Variants in CFAP46 observed in about 807,000 individuals in gnomAD.
The protein encoded by CFAP46 is cilia- and flagella-associated protein 46.
In CFAP46, 245 loss-of-function variants were observed where a neutral mutation model predicts 325.7. The ratio of observed to expected loss-of-function variants is 0.75; its 90% CI spans 0.68 to 0.84. The LOEUF (loss-of-function observed/expected upper bound fraction) is 0.84. Ranked by LOEUF, CFAP46 falls within the 40% of genes least tolerant of loss-of-function variation. The probability of loss-of-function intolerance (pLI) is 0.00; values close to 1 mark genes in which losing one functional copy is unlikely to be tolerated. For synonymous variants in CFAP46, 1,523 were observed against 1,495.9 expected, an observed-to-expected ratio of 1.02 and a Z score of -0.42; for missense variants, 3,346 against 3,543.0, an observed-to-expected ratio of 0.94 and a Z score of 1.41.
At chr10:132,854,529 G>C (rs4880448) in intron 39 of CFAP46, among the ~76,000 whole-genome samples, 41,010 of 151,936 alleles carry the variant, frequency 0.27, 7,005 homozygotes, top group Admixed American at 0.46. Context: ...AGTGGAGATG[G>C]GGTTTCACCA....
Position 132,808,858 on chromosome 10 carries a change from G to A in CFAP46, c.7711C>T (p.Leu2571Phe). 6.2e-7 allele frequency: 1 copy of A among 1,601,188 alleles called. No individual in the cohort carries two copies. The highest frequency in any genetic ancestry group is 8.5e-7 in the Non-Finnish European group (1 of 1,170,794). ...TGAGCGTGGTGGGAAGGAGCTCGGA[G>A]CTTTGGAGCAGCAGCAGCTTGTCCT... ...LEGQAAAAPK[L>F]RAPSHHAQLG... is the part of the protein sequence containing the mutation. Residue 2571 changes from leucine to phenylalanine, a missense_variant, in exon 58 of 58, where the codon CTC becomes TTC. Leu to Phe is a conservative substitution (Grantham distance 22). Transcript: ENST00000368586. The surrounding 1 kb of genome is among the most constrained non-coding windows in gnomAD (Gnocchi z 6.8).
At position 132,877,725 on chromosome 10, in the gene CFAP46, A is replaced by T. The variant is rs566942720; in HGVS notation, c.4212+156T>A. ...GAGGCCACCTGGGGCTCCTCCGAGA[A>T]CCCTGACAGGCAGGGAAACTGAGGC... On this transcript the variant is annotated intron_variant, in intron 30 of 57. Transcript: ENST00000368586. The surrounding 1 kb of genome is among the most constrained non-coding windows in gnomAD (Gnocchi z 5.7). Among the ~76,000 whole-genome samples the T allele has an allele frequency of 6.7e-6, 1 of 149,020 alleles. No individual in the cohort carries two copies. Among genetic ancestry groups the T allele is most frequent in the African/African-American group, 2.5e-5 (1 of 40,250 alleles).
intron 24 of CFAP46, among the ~76,000 whole-genome samples, chr10:132,896,967 T>C (rs760780446): frequency 1.3e-5 from 2 of 152,232 alleles, no homozygotes; most frequent in Non-Finnish European, 2.9e-5. Context: ...CCTGCATTTC[T>C]GGTCAAATTA....
rs941665847 is a variant in CFAP46, at chr10:132,810,854, G to A, written c.7583+96C>T. ...ACAGCTCTCACCGTTCTTGAAACCC[G>A]ACCCCAGGTCCCTCCTCCCTTGTGG... On this transcript the variant is annotated intron_variant, in intron 56 of 57. Transcript: ENST00000368586. 2.0e-5 allele frequency: 23 copies of A among 1,178,782 alleles called. 1 individual carries two copies. Among genetic ancestry groups the A allele is most frequent in the South Asian group, 7.9e-5 (6 of 75,624 alleles). 73.0% of individuals were successfully genotyped at this position (1,178,782 alleles called of 1,614,324 possible).
chr10:132,821,244 G>GTGTGTGC (rs1847811658), intron 50 of CFAP46, among the ~76,000 whole-genome samples: 3 of 84,192 alleles, frequency 3.6e-5, no homozygotes, highest in Admixed American at 1.6e-4. Flanking sequence ...TGTGTGCTGT[G>GTGTGTGC]TGTGTGCTGT....
chr10:132,836,781 G>C, intron 45 of CFAP46, 36 bp downstream of exon 45: 2 of 1,561,356 alleles, frequency 1.3e-6, no homozygotes, highest in Non-Finnish European at 1.8e-6. Flanking sequence ...CTCTCAGCGG[G>C]CTGGGGGCGG....
At chr10:132,902,087 G>A (rs533750449) in intron 22 of CFAP46, among the ~76,000 whole-genome samples, 76 of 152,268 alleles carry the variant, frequency 5.0e-4, no homozygotes, top group African/African-American at 1.7e-3. Flanking sequence ...TTTTCTTTGC[G>A]TTTATCCCAC....
In CFAP46 at chr10:132,912,809, A is replaced by C; in HGVS notation, c.2345T>G (p.Met782Arg). 1.3e-6 allele frequency: 2 copies of C among 1,549,032 alleles called. No individual in the cohort carries two copies. Among genetic ancestry groups the C allele is most frequent in the Non-Finnish European group, 1.7e-6 (2 of 1,146,596 alleles). The change falls in exon 19 of 58, where the codon ATG becomes AGG. Residue 782 changes from methionine (M) to arginine (R), a missense_variant. Coordinates refer to ENST00000368586, the MANE Select transcript of CFAP46 (RefSeq NM_001200049.3). The stretch of plus-strand genomic sequence containing the variant: ...CAAGGTGTTGCAGAGCGTCACCAGC[A>C]TCACGGGGTCCCTGGGAGACATGCT... The part of the protein sequence containing the change: ...KATGHSGDPV[M>R]LVTLCNTLAR...
rs114375429 is a variant in CFAP46 at position 132,829,194 on chromosome 10, G to A, written c.7117+4164C>T. On this transcript the variant is annotated intron_variant, in intron 50 of 57. Transcript: ENST00000368586. ...GGCAATATTGGGCCTTCTCATCTAA[G>A]AGCATGATGTTTCTCTCCATTTGTT... Among the ~76,000 whole-genome samples, 853 of 151,764 alleles carry A rather than the reference G, an allele frequency of 5.6e-3. 6 individuals are homozygous for A. The highest frequency in any genetic ancestry group is 0.019 in the African/African-American group (789 of 41,364).
chr10:132,934,769 G>A lies in CFAP46; in HGVS notation c.849C>T (p.Pro283=), dbSNP rs138074856. ...HLGHYNHQRF[P]SISEEKMLLL... is the part of the protein sequence containing the mutation. ...ACACTTACTTTTCTTCACTGATAGA[G>A]GGAAAGCGCTGGTGGTTGTAATGAC... Residue 283 remains proline, a synonymous_variant, in exon 8 of 58, where the codon CCC becomes CCT. Transcript: ENST00000368586. 1.7e-3 allele frequency: 2,796 copies of A among 1,605,142 alleles called. 37 individuals carry two copies. The highest frequency in any genetic ancestry group is 0.016 in the South Asian group (1,481 of 90,820).
Position 132,910,015 on chromosome 10 carries a change from C to T in CFAP46, c.2553G>A (p.Val851=). The T allele has an allele frequency of 1.3e-6, 2 of 1,542,000 alleles. No homozygotes were observed. Among genetic ancestry groups the T allele is most frequent in the Non-Finnish European group, 1.7e-6 (2 of 1,143,694 alleles). The change falls in exon 20 of 58, where the codon GTG becomes GTA. Residue 851 remains valine (V), a synonymous_variant. Coordinates refer to ENST00000368586, the MANE Select transcript of CFAP46 (RefSeq NM_001200049.3). ...LTNGSAPEET[V]PTGTRQQLIA... is the part of the protein sequence containing the mutation. ...TAAGCTGCTGCCGGGTGCCGGTGGG[C>T]ACCGTCTCCTCGGGCGCACTCCCAT...
At position 132,832,918 on chromosome 10, in the gene CFAP46, C is replaced by A. The variant is rs191618887; in HGVS notation, c.7117+440G>T. 1.5e-4 allele frequency: 67 copies of A among 442,896 alleles called. No individual in the cohort carries two copies. Among genetic ancestry groups the A allele is most frequent in the Admixed American group, 4.3e-4 (18 of 41,622 alleles). The allele number at this position is 442,896 out of a possible 1,614,324, so 27.4% of individuals were successfully genotyped here. On this transcript the variant is annotated intron_variant, in intron 50 of 57. Coordinates refer to ENST00000368586, the MANE Select transcript of CFAP46 (RefSeq NM_001200049.3). This position sits in a 1 kb window ranked among gnomAD's most constrained non-coding sequence, Gnocchi z 4.1. Reference sequence around the variant, plus strand: ...TTTGTCTTCCCTGTGTGTTTAGCACCAGGATACTGGCACATAGCAGGTATT... The same window carrying A: ...TTTGTCTTCCCTGTGTGTTTAGCACAAGGATACTGGCACATAGCAGGTATT...
chr10:132,892,733 G>A (rs557848739), intron 24 of CFAP46, among the ~76,000 whole-genome samples: 2 of 152,294 alleles, frequency 1.3e-5, no homozygotes, highest in African/African-American at 4.8e-5. Flanking sequence ...GTTCAGCGCC[G>A]CTTGAATCGA....
intron 9 of CFAP46, among the ~76,000 whole-genome samples, chr10:132,928,567 C>T (rs866112771): frequency 1.3e-5 from 2 of 152,218 alleles, no homozygotes; most frequent in East Asian, 1.9e-4. Flanking sequence ...CGGCTCCCCC[C>T]GTGCTGAGCC....
At chr10:132,833,625 A>G in intron 49 of CFAP46, 100 bp from the exon 50 acceptor site, 2 of 1,334,118 alleles carry the variant, frequency 1.5e-6, no homozygotes, top group Middle Eastern at 2.7e-4. Context: ...GGCGCTGGGA[A>G]AGGCTGGCAG....
intron 25 of CFAP46, among the ~76,000 whole-genome samples, chr10:132,887,931 TCTC>T (rs146648505): frequency 0.059 from 2,233 of 37,756 alleles, 630 homozygotes; most frequent in Admixed American, 0.11. Flanking sequence ...TCCTCTCCTC[TCTC>T]CTCTTTCACC....
chr10:132,880,018 G>T (rs1444449995), intron 28 of CFAP46, among the ~76,000 whole-genome samples: 1 of 152,198 alleles, frequency 6.6e-6, no homozygotes, highest in Non-Finnish European at 1.5e-5. Flanking sequence ...CCTGACAGGG[G>T]GCTAGAACCG....
intron 1 of CFAP46, 43 bp from the exon 2 acceptor site, chr10:132,942,147 G>A (rs1295481448): frequency 3.2e-6 from 5 of 1,548,774 alleles, no homozygotes; most frequent in Non-Finnish European, 4.4e-6. Flanking sequence ...TCACTGGGCT[G>A]GGAGAAGTGA....
intron 35 of CFAP46, 126 bp from the exon 36 acceptor site, chr10:132,861,108 G>A: frequency 1.1e-6 from 1 of 929,094 alleles, no homozygotes; most frequent in Non-Finnish European, 1.6e-6. Context: ...CACCAGGTGA[G>A]GGGAAGACAG....
Sources: allele counts gnomAD v4.1 joint callset (sites outside exome capture counted in the v4.1 genomes callset), GRCh38; gene constraint gnomAD v4.1.1; non-coding constraint Gnocchi (gnomAD v3.1); transcripts MANE v1.5; gene names NCBI Gene and HGNC (gene_info 2026-07-23, HGNC 2026-07-21).